The following EEPD1 variants were observed in gnomAD, a reference collection of about 807,000 sequenced individuals.
The protein encoded by EEPD1 is endonuclease/exonuclease/phosphatase family domain-containing protein 1.
A neutral mutation model predicts 46.3 loss-of-function variants in EEPD1; 17 were observed. That is an observed-to-expected ratio of 0.37 (90% CI 0.25 to 0.55). EEPD1 has a LOEUF of 0.55. Ranked by LOEUF, EEPD1 falls within the 20% of genes least tolerant of loss-of-function variation. The pLI, the probability that EEPD1 is intolerant of heterozygous loss-of-function variation, is 0.83. For synonymous variants in EEPD1, 313 were observed against 315.6 expected, an observed-to-expected ratio of 0.99 and a Z score of 0.09; for missense variants, 673 against 745.6, an observed-to-expected ratio of 0.90 and a Z score of 1.13.
intron 2 of EEPD1, among the ~76,000 whole-genome samples, chr7:36,227,550 AGTAAGCATGGGGGAAAACAG>A (rs1478798994): frequency 6.6e-6 from 1 of 152,214 alleles, no homozygotes; most frequent in East Asian, 1.9e-4. Flanking sequence ...AGAGGAGGAA[AGTAAGCATGGGGGAAAACAG>A]GCCTGCATGT....
chr7:36,264,020 T>G (rs1319852302), intron 3 of EEPD1, among the ~76,000 whole-genome samples: 1 of 152,218 alleles, frequency 6.6e-6, no homozygotes, highest in East Asian at 1.9e-4. Flanking sequence ...CTTTTATTTA[T>G]GAAAAAATTA....
At chr7:36,239,112 G>A in intron 3 of EEPD1, 76 bp downstream of exon 3, 1 of 1,413,350 alleles carries the variant, frequency 7.1e-7, no homozygotes, top group South Asian at 1.2e-5. Context: ...TCAACTCCCT[G>A]TCACCAGAGA....
Position 36,268,748 on chromosome 7 carries a change from A to G in EEPD1, c.931-12367A>G, listed in dbSNP as rs79842420. Reference sequence around the variant, plus strand: ...CAGTGTGTCTAACAACCAGGAGAGCACATACAGAGACTTGCTGGGTGCCAG... The same window carrying G: ...CAGTGTGTCTAACAACCAGGAGAGCGCATACAGAGACTTGCTGGGTGCCAG... On this transcript the variant is annotated intron_variant, in intron 3 of 7. Coordinates refer to ENST00000242108, the MANE Select transcript of EEPD1 (RefSeq NM_030636.3). Among the ~76,000 whole-genome samples the G allele has an allele frequency of 2.5e-3, 374 of 152,344 alleles. 2 individuals are homozygous for G. The highest frequency in any genetic ancestry group is 3.4e-3 in the Middle Eastern group (1 of 294).
chr7:36,208,563 G>A (rs2115719593), intron 2 of EEPD1, among the ~76,000 whole-genome samples: 1 of 152,340 alleles, frequency 6.6e-6, no homozygotes, highest in African/African-American at 2.4e-5. Flanking sequence ...GAATTGAGTG[G>A]TCAGCAGTGG....
At chr7:36,292,889 AATTTGGATTC>A (rs1228190009) in intron 6 of EEPD1, among the ~76,000 whole-genome samples, 1 of 152,146 alleles carries the variant, frequency 6.6e-6, no homozygotes, top group Non-Finnish European at 1.5e-5. Context: ...CCTCCTAGCT[AATTTGGATTC>A]ATAAGTCGAA....
intron 2 of EEPD1, among the ~76,000 whole-genome samples, chr7:36,233,352 CAGA>C (rs1230974479): frequency 6.6e-6 from 1 of 152,258 alleles, no homozygotes. Context: ...GCATTCTTTT[CAGA>C]AGGAGAAACC....
intron 2 of EEPD1, among the ~76,000 whole-genome samples, chr7:36,159,614 C>T (rs960061140): frequency 6.6e-6 from 1 of 152,234 alleles, no homozygotes; most frequent in African/African-American, 2.4e-5. Context: ...TGCCCTTCTG[C>T]TGCCTCTGAC....
At chr7:36,165,870 C>A (rs1422982028) in intron 2 of EEPD1, among the ~76,000 whole-genome samples, 1 of 152,160 alleles carries the variant, frequency 6.6e-6, no homozygotes. Context: ...CTAAAAAAGT[C>A]TCCTGCAACT....
At position 36,287,796 on chromosome 7, in the gene EEPD1, C is replaced by T. The variant is rs1562713561; in HGVS notation, c.1315+19C>T. The stretch of plus-strand genomic sequence containing the variant: ...CTGAAAGGTAGGACATTGTCTTTTG[C>T]TGTGACTCGGCCACTGTTTTGCAGA... On this transcript the variant is annotated intron_variant, in intron 6 of 7. Transcript: ENST00000242108. 1 of 1,611,926 alleles carries T rather than the reference C, an allele frequency of 6.2e-7. No individual in the cohort carries two copies. Among genetic ancestry groups the T allele is most frequent in the South Asian group, 1.1e-5 (1 of 90,884 alleles).
intron 2 of EEPD1, among the ~76,000 whole-genome samples, chr7:36,185,316 G>T (rs925772555): frequency 7.9e-5 from 12 of 152,168 alleles, no homozygotes; most frequent in African/African-American, 2.7e-4. Flanking sequence ...GCCTGCTGTT[G>T]CATGTAACTG....
In EEPD1 at chr7:36,197,890, TAAAA is replaced by T. The variant is rs879300933; in HGVS notation, c.879-41087_879-41084del. On this transcript the variant is annotated intron_variant, in intron 2 of 7. Coordinates refer to ENST00000242108, the MANE Select transcript of EEPD1 (RefSeq NM_030636.3). ...GCGAGAAACACCCAAGAATGATCAA[TAAAA>T]AAAAAAATAAAAAAATAAAAAAAAA... Among the ~76,000 whole-genome samples, 90 of 133,182 alleles carry T rather than the reference TAAAA, an allele frequency of 6.8e-4. 1 individual carries two copies. The East Asian group carries it at 0.015, about 21-fold the overall frequency. 87.4% of individuals were successfully genotyped at this position (133,182 alleles called of 152,430 possible). A position where few individuals can be genotyped will look rare whatever the true frequency, so the allele number is the denominator to read the frequency against.
chr7:36,197,251 G>T (rs1308007599), intron 2 of EEPD1, among the ~76,000 whole-genome samples: 1 of 148,724 alleles, frequency 6.7e-6, no homozygotes, highest in Non-Finnish European at 1.5e-5. Context: ...GGGGGGGTCA[G>T]GCCCCCGCCC....
chr7:36,171,856 T>C (rs1266073404), intron 2 of EEPD1, among the ~76,000 whole-genome samples: 1 of 152,240 alleles, frequency 6.6e-6, no homozygotes, highest in African/African-American at 2.4e-5. Context: ...ACCTGCCTGA[T>C]GGCTGCTAAC....
intron 2 of EEPD1, among the ~76,000 whole-genome samples, chr7:36,206,712 C>T (rs773210539): frequency 6.6e-6 from 1 of 152,210 alleles, no homozygotes; most frequent in African/African-American, 2.4e-5. Context: ...ACAGGCCCTT[C>T]CAGTTACAGG....
chr7:36,293,303 C>T (rs536814285), intron 6 of EEPD1, among the ~76,000 whole-genome samples: 2 of 152,182 alleles, frequency 1.3e-5, no homozygotes, highest in African/African-American at 2.4e-5. Context: ...GTTAACAGTT[C>T]GAGGTACCCG....
At chr7:36,160,751 A>G (rs552140716) in intron 2 of EEPD1, among the ~76,000 whole-genome samples, 52 of 151,414 alleles carry the variant, frequency 3.4e-4, no homozygotes, top group African/African-American at 1.2e-3. Flanking sequence ...GCTAAAGGCA[A>G]TGATCTCTGG....
chr7:36,243,028 G>C (rs1368604637), intron 3 of EEPD1, among the ~76,000 whole-genome samples: 1 of 152,158 alleles, frequency 6.6e-6, no homozygotes, highest in Admixed American at 6.5e-5. Context: ...TGATTAAAAA[G>C]CCAACAAGAA....
intron 3 of EEPD1, among the ~76,000 whole-genome samples, chr7:36,263,064 A>C (rs1357322868): frequency 1.3e-5 from 2 of 152,142 alleles, no homozygotes; most frequent in Non-Finnish European, 2.9e-5. Context: ...TTAGCTGTTC[A>C]TGGTGGTGCA....
At chr7:36,172,184 G>T (rs1785096709) in intron 2 of EEPD1, among the ~76,000 whole-genome samples, 1 of 152,082 alleles carries the variant, frequency 6.6e-6, no homozygotes, top group Non-Finnish European at 1.5e-5. Flanking sequence ...ACAGTCTTTT[G>T]TTATAATGTT....
Sources: allele counts gnomAD v4.1 joint callset (sites outside exome capture counted in the v4.1 genomes callset), GRCh38; gene constraint gnomAD v4.1.1; transcripts MANE v1.5; gene names NCBI Gene and HGNC (gene_info 2026-07-23, HGNC 2026-07-21).